SLC17A1: variants seen among roughly 807,000 people sequenced by gnomAD.
SLC17A1 encodes sodium-dependent phosphate transport protein 1.
A neutral mutation model predicts 53.5 loss-of-function variants in SLC17A1; 51 were observed. The ratio of observed to expected loss-of-function variants is 0.95; its 90% CI spans 0.76 to 1.20. SLC17A1 has a LOEUF of 1.20. Ranked by LOEUF, SLC17A1 falls within the 50% of genes most tolerant of loss-of-function variation. The pLI, the probability that SLC17A1 is intolerant of heterozygous loss-of-function variation, is 0.00. For missense variants in SLC17A1, 538 were observed against 568.2 expected (o/e 0.95, Z 0.54); for synonymous variants, 179 against 198.8 (o/e 0.90, Z 0.84).
intron 6 of SLC17A1, among the ~76,000 whole-genome samples, chr6:25,814,748 C>A (rs1260228492): frequency 6.6e-6 from 1 of 152,144 alleles, no homozygotes; most frequent in Non-Finnish European, 1.5e-5. Context: ...CTTTGGAAGG[C>A]CGAGGCGGGC....
chr6:25,779,089 T>G (rs1250120972), downstream of SLC17A1: 9 of 1,613,750 alleles, frequency 5.6e-6, no homozygotes, highest in Non-Finnish European at 7.6e-6. Flanking sequence ...TCTTCTTGCT[T>G]TCAGCTGCTG....
the SLC17A1 span, among the ~76,000 whole-genome samples, chr6:25,734,661 A>G: frequency 6.6e-6 from 1 of 152,232 alleles, no homozygotes; most frequent in East Asian, 1.9e-4. Context: ...CTACGAGTGT[A>G]AGGATGTTTG....
intron 10 of SLC17A1, among the ~76,000 whole-genome samples, chr6:25,804,363 G>C (rs188873197): frequency 7.9e-5 from 12 of 152,170 alleles, no homozygotes; most frequent in Non-Finnish European, 1.6e-4. Context: ...GTCTCTAGCA[G>C]ACTATCCCTA....
chr6:25,819,950 G>A (rs1175490576), intron 3 of SLC17A1, 35 bp from the exon 4 acceptor site: 1 of 1,394,896 alleles, frequency 7.2e-7, no homozygotes, highest in Non-Finnish European at 9.9e-7. Flanking sequence ...GAATCACTCT[G>A]CATATCAGAA....
the SLC17A1 span, among the ~76,000 whole-genome samples, chr6:25,755,888 G>A: frequency 3.3e-5 from 5 of 152,158 alleles, no homozygotes; most frequent in African/African-American, 1.2e-4. Context: ...TGCTCAAGCC[G>A]TAAGTCTAGA....
chr6:25,821,579 T>A (rs1747522), intron 3 of SLC17A1, among the ~76,000 whole-genome samples: 98,644 of 152,066 alleles, frequency 0.65, 33,810 homozygotes, highest in African/African-American at 0.87. Flanking sequence ...GCATTTGTTC[T>A]ACTCTCCCTG....
At chr6:25,760,534 C>T in the SLC17A1 span, among the ~76,000 whole-genome samples, 1 of 152,104 alleles carries the variant, frequency 6.6e-6, no homozygotes, top group African/African-American at 2.4e-5. Context: ...TGAAAAATTC[C>T]TATCCGTTAT....
chr6:25,811,313 A>G (rs945401141), intron 10 of SLC17A1, 85 bp downstream of exon 10: 5 of 1,394,418 alleles, frequency 3.6e-6, no homozygotes, highest in African/African-American at 2.9e-5. Context: ...AAGTATCCAT[A>G]TTTTAAATCA....
the SLC17A1 span, among the ~76,000 whole-genome samples, chr6:25,742,809 A>G: frequency 6.6e-6 from 1 of 152,212 alleles, no homozygotes; most frequent in Admixed American, 6.5e-5. Flanking sequence ...AAAAAATAAT[A>G]ATAAAATAAA....
At position 25,814,901 on chromosome 6, in the gene SLC17A1, G is replaced by A. The variant is rs569744344; in HGVS notation, c.617-1688C>T. ...CTCAGGGGGTTGCGGCAGGAGAATC[G>A]CTTAAATCCAGGAGGCTGAGGTTGC... On this transcript the variant is annotated intron_variant, in intron 6 of 12. Coordinates refer to ENST00000244527, the MANE Select transcript of SLC17A1 (RefSeq NM_005074.5). 3.0e-4 allele frequency among the ~76,000 whole-genome samples: 46 copies of A among 151,758 alleles called. No homozygotes were observed. In the East Asian group the frequency reaches 5.6e-3, roughly 19 times the overall value.
chr6:25,727,299 T>C, the SLC17A1 span: 1 of 1,578,396 alleles, frequency 6.3e-7, no homozygotes, highest in Non-Finnish European at 8.6e-7. Flanking sequence ...GTAAGCCTGC[T>C]AAGTAAACGT....
the SLC17A1 span, chr6:25,732,786 AAAGG>A: frequency 1.1e-6 from 1 of 873,776 alleles, no homozygotes; most frequent in Non-Finnish European, 1.7e-6. Flanking sequence ...CTGCTGTCCC[AAAGG>A]ATTGGGAGCC....
downstream of SLC17A1, chr6:25,777,915 C>G (rs146298277): frequency 4.3e-3 from 6,869 of 1,602,286 alleles, 18 homozygotes; most frequent in Non-Finnish European, 4.9e-3. Flanking sequence ...AGTACCATCT[C>G]TCTCTCTCAG....
chr6:25,744,463 C>G, the SLC17A1 span, among the ~76,000 whole-genome samples: 1 of 152,140 alleles, frequency 6.6e-6, no homozygotes, highest in Admixed American at 6.6e-5. Flanking sequence ...CAATCTTACT[C>G]ACAAGGACCA....
In SLC17A1 at chr6:25,831,843, G is replaced by A. The variant is rs539380187; in HGVS notation, c.-51+151C>T. Among the ~76,000 whole-genome samples, 10 of 152,176 alleles carry A rather than the reference G, an allele frequency of 6.6e-5. No homozygotes were observed. The South Asian group carries it at 1.9e-3, about 28-fold the overall frequency. Reference sequence around the variant, plus strand: ...TATGTTCTTTTTTCTCTTGTGAAAAGCCTCAGAAGATAGGGCATATTCCAC... The same window carrying A: ...TATGTTCTTTTTTCTCTTGTGAAAAACCTCAGAAGATAGGGCATATTCCAC... On this transcript the variant is annotated intron_variant, in intron 1 of 12. Coordinates refer to ENST00000244527, the MANE Select transcript of SLC17A1 (RefSeq NM_005074.5).
In SLC17A1 at chr6:25,813,178, C is replaced by T. The variant is rs764515928; in HGVS notation, c.652G>A (p.Val218Ile). 8.7e-6 allele frequency: 14 copies of T among 1,614,094 alleles called. 1 individual carries two copies. The highest frequency in any genetic ancestry group is 4.4e-5 in the South Asian group (4 of 91,080). ...TCTTTGGGGTCATCATAAAACAGAA[C>T]GAACCAGAGAAGACATACGGCACAG... ...CGCAVCLLWFVLFYDDPKDHP... is the reference protein window; with the variant it reads ...CGCAVCLLWFILFYDDPKDHP... The change falls in exon 7 of 13, where the codon GTT (valine) becomes ATT (isoleucine). Residue 218 changes from valine (V) to isoleucine (I), a missense_variant. Val to Ile is a conservative substitution (Grantham distance 29). Transcript: ENST00000244527.
At chr6:25,789,918 C>T (rs183192630) in intron 12 of SLC17A1, among the ~76,000 whole-genome samples, 13 of 152,200 alleles carry the variant, frequency 8.5e-5, no homozygotes, top group Middle Eastern at 3.4e-3. Context: ...CTGATGTTGA[C>T]GGTTGTTTTG....
At chr6:25,726,407 CAT>C in the SLC17A1 span, 33 of 1,614,212 alleles carry the variant, frequency 2.0e-5, no homozygotes, top group Non-Finnish European at 1.7e-5. Flanking sequence ...ATCCGCTCTG[CAT>C]AGTTTCCCTT....
At position 25,811,389 on chromosome 6, in the gene SLC17A1, A is replaced by C. The variant is rs891950399; in HGVS notation, c.1178+9T>G. On this transcript the variant is annotated intron_variant, in intron 10 of 12. Coordinates refer to ENST00000244527, the MANE Select transcript of SLC17A1 (RefSeq NM_005074.5). ...AAAGGTTAAAAAAAAGCGTATAAAC[A>C]AATCCTACCTGGGAGCAATATCCAA... 9 of 1,604,070 alleles carry C rather than the reference A, an allele frequency of 5.6e-6. No individual in the cohort carries two copies. The African/African-American group carries it at 1.1e-4, about 19-fold the overall frequency.
Sources: allele counts gnomAD v4.1 joint callset (sites outside exome capture counted in the v4.1 genomes callset), GRCh38; gene constraint gnomAD v4.1.1; transcripts MANE v1.5; gene names NCBI Gene and HGNC (gene_info 2026-07-23, HGNC 2026-07-21).